Variants in LRRTM4 observed in about 807,000 individuals in gnomAD.
The protein encoded by LRRTM4 is leucine rich repeat transmembrane neuronal 4.
Under a neutral mutation model 47.6 loss-of-function variants are expected in LRRTM4, and 25 were observed. The ratio of observed to expected loss-of-function variants is 0.53; its 90% CI spans 0.38 to 0.73. The LOEUF (loss-of-function observed/expected upper bound fraction) is 0.73. LRRTM4 is among the 30% of genes least tolerant of loss of function. The pLI is 0.00. For missense variants in LRRTM4, 638 were observed against 713.4 expected, an observed-to-expected ratio of 0.89 and a Z score of 1.20; for synonymous variants, 311 against 269.5, an observed-to-expected ratio of 1.15 and a Z score of -1.51.
In LRRTM4 at chr2:76,806,933, G is replaced by A. The variant is rs1400910398; in HGVS notation, c.1552-58017C>T. 2.0e-5 allele frequency among the ~76,000 whole-genome samples: 3 copies of A among 152,034 alleles called. No homozygotes were observed. The East Asian group carries it at 5.8e-4, about 29-fold the overall frequency. Reference sequence around the variant, plus strand: ...AAATACCAATGACTTATAAACTTATGGCCATATAAAAATTCACTGGCAGAC... The same window carrying A: ...AAATACCAATGACTTATAAACTTATAGCCATATAAAAATTCACTGGCAGAC... On this transcript the variant is annotated intron_variant, in intron 3 of 3. Transcript: ENST00000409884.
intron 3 of LRRTM4, among the ~76,000 whole-genome samples, chr2:76,779,512 G>GTAA (rs1185021661): frequency 8.4e-5 from 12 of 142,074 alleles, no homozygotes; most frequent in African/African-American, 3.2e-4. Flanking sequence ...TTACCATCAT[G>GTAA]TAATGGCCTT....
chr2:77,133,902 G>A (rs188423576), intron 3 of LRRTM4, among the ~76,000 whole-genome samples: 1 of 152,188 alleles, frequency 6.6e-6, no homozygotes, highest in Admixed American at 6.5e-5. Context: ...ATGCATACTG[G>A]AGAAATTATA....
chr2:77,329,302 A>C (rs999103047), intron 3 of LRRTM4, among the ~76,000 whole-genome samples: 2 of 152,214 alleles, frequency 1.3e-5, no homozygotes, highest in African/African-American at 4.8e-5. Context: ...CATTCAGCAG[A>C]TATTTAGTGA....
intron 3 of LRRTM4, among the ~76,000 whole-genome samples, chr2:77,417,248 G>T (rs562873149): frequency 5.9e-5 from 9 of 152,234 alleles, no homozygotes; most frequent in East Asian, 1.9e-4. Context: ...AACAACAGGT[G>T]CTGGAGAGGA....
intron 3 of LRRTM4, among the ~76,000 whole-genome samples, chr2:77,456,211 C>T (rs12995495): frequency 0.35 from 53,315 of 151,988 alleles, 9,496 homozygotes; most frequent in Middle Eastern, 0.46. Context: ...AAATTCCTGA[C>T]GCAGTCTACT....
At chr2:76,769,163 C>T (rs1168168171) in intron 3 of LRRTM4, among the ~76,000 whole-genome samples, 1 of 152,112 alleles carries the variant, frequency 6.6e-6, no homozygotes, top group African/African-American at 2.4e-5. Flanking sequence ...TCATTAACAT[C>T]TTCATAGGAC....
intron 3 of LRRTM4, among the ~76,000 whole-genome samples, chr2:77,005,316 T>C (rs1024641685): frequency 6.6e-6 from 1 of 152,134 alleles, no homozygotes; most frequent in African/African-American, 2.4e-5. Context: ...AGCTAACTTT[T>C]GTAATTTTAG....
intron 3 of LRRTM4, among the ~76,000 whole-genome samples, chr2:76,801,188 A>T (rs932868776): frequency 1.4e-4 from 22 of 152,130 alleles, no homozygotes; most frequent in Admixed American, 4.6e-4. Context: ...CCTATAAATC[A>T]TTGCTGCTAT....
intron 3 of LRRTM4, among the ~76,000 whole-genome samples, chr2:77,492,314 C>T (rs1678199230): frequency 6.6e-6 from 1 of 151,992 alleles, no homozygotes; most frequent in Non-Finnish European, 1.5e-5. Flanking sequence ...GGCTGGAGTG[C>T]CGTGGCATGA....
rs182389498 is a variant in LRRTM4 at position 77,441,923 on chromosome 2, C to T, written c.1551+76395G>A. Among the ~76,000 whole-genome samples, 207 of 152,170 alleles carry T rather than the reference C, an allele frequency of 1.4e-3. 2 individuals carry two copies. Among genetic ancestry groups the T allele is most frequent in the Non-Finnish European group, 2.5e-4 (17 of 68,010 alleles). Reference sequence around the variant, plus strand: ...CAAAAGTCTTCTTTTGAATTTTCTGCCAAATATAAATCAACATTTGCAAGA... The same window carrying T: ...CAAAAGTCTTCTTTTGAATTTTCTGTCAAATATAAATCAACATTTGCAAGA... On this transcript the variant is annotated intron_variant, in intron 3 of 3. Coordinates refer to ENST00000409884, the MANE Select transcript of LRRTM4 (RefSeq NM_001134745.3).
chr2:76,844,239 A>G (rs1671773798), intron 3 of LRRTM4, among the ~76,000 whole-genome samples: 1 of 151,608 alleles, frequency 6.6e-6, no homozygotes, highest in South Asian at 2.1e-4. Context: ...GGTTCAAGCT[A>G]TTCTCCTGCC....
At chr2:77,463,169 A>G (rs1233900500) in intron 3 of LRRTM4, among the ~76,000 whole-genome samples, 2 of 152,028 alleles carry the variant, frequency 1.3e-5, no homozygotes, top group African/African-American at 4.8e-5. Flanking sequence ...CTGTTGCTTC[A>G]AGGCTACAAA....
chr2:76,796,813 G>A (rs1262630086), intron 3 of LRRTM4, among the ~76,000 whole-genome samples: 1 of 151,848 alleles, frequency 6.6e-6, no homozygotes, highest in Non-Finnish European at 1.5e-5. Context: ...ACTTTGACAA[G>A]CTGAGTGAAG....
intron 3 of LRRTM4, among the ~76,000 whole-genome samples, chr2:76,847,126 A>G (rs576207195): frequency 2.9e-4 from 44 of 152,260 alleles, no homozygotes; most frequent in African/African-American, 9.6e-4. Context: ...AAAAAATACG[A>G]AAAAGGAATC....
intron 3 of LRRTM4, among the ~76,000 whole-genome samples, chr2:76,870,274 A>T (rs955531655): frequency 2.2e-4 from 33 of 152,148 alleles, no homozygotes; most frequent in Admixed American, 2.2e-3. Context: ...GTTGCTGAGT[A>T]GTCTGACAAG....
At chr2:76,916,816 C>T (rs891168948) in intron 3 of LRRTM4, among the ~76,000 whole-genome samples, 8 of 152,192 alleles carry the variant, frequency 5.3e-5, no homozygotes, top group African/African-American at 1.9e-4. Context: ...CTTGGAACCC[C>T]AGCTTGCTTC....
At chr2:76,950,802 G>GTTCAGCCATATTAAGACTAGA (rs1057290197) in intron 3 of LRRTM4, among the ~76,000 whole-genome samples, 1 of 151,898 alleles carries the variant, frequency 6.6e-6, no homozygotes, top group Admixed American at 6.6e-5. Context: ...TTTAGAAAGG[G>GTTCAGCCATATTAAGACTAGA]TTCAGCCATA....
At chr2:76,758,209 C>T (rs1175607439) in intron 3 of LRRTM4, among the ~76,000 whole-genome samples, 1 of 152,080 alleles carries the variant, frequency 6.6e-6, no homozygotes, top group Non-Finnish European at 1.5e-5. Flanking sequence ...ACTTCGTGAC[C>T]CTCCCAATGC....
At chr2:77,035,066 ATTG>A (rs1678788511) in intron 3 of LRRTM4, among the ~76,000 whole-genome samples, 2 of 151,410 alleles carry the variant, frequency 1.3e-5, no homozygotes, top group Admixed American at 6.6e-5. Flanking sequence ...TTTCTTAATT[ATTG>A]TTTTTTATTA....
Sources: allele counts gnomAD v4.1 joint callset (sites outside exome capture counted in the v4.1 genomes callset), GRCh38; gene constraint gnomAD v4.1.1; transcripts MANE v1.5; gene names NCBI Gene and HGNC (gene_info 2026-07-23, HGNC 2026-07-21).